KCNB2: variants seen among roughly 807,000 people sequenced by gnomAD.
KCNB2 encodes potassium voltage-gated channel subfamily B member 2.
Under a neutral mutation model 61.5 loss-of-function variants are expected in KCNB2, and 15 were observed. The observed-to-expected ratio is 0.24, with a 90% confidence interval of 0.16 to 0.38. KCNB2 has a LOEUF of 0.38. Among genes scored for constraint, KCNB2 ranks in the 10% least tolerant of loss-of-function variants. The probability of loss-of-function intolerance (pLI) is 1.00; values close to 1 mark genes in which losing one functional copy is unlikely to be tolerated. For synonymous variants in KCNB2, 457 were observed against 446.0 expected, an observed-to-expected ratio of 1.02 and a Z score of -0.31; for missense variants, 828 against 1,125.2, an observed-to-expected ratio of 0.74 and a Z score of 3.78.
chr8:72,629,682 G>A (rs954525251), intron 2 of KCNB2, among the ~76,000 whole-genome samples: 2 of 152,166 alleles, frequency 1.3e-5, no homozygotes, highest in Non-Finnish European at 2.9e-5. Context: ...AGGAAAATTG[G>A]AGTGCTGTCA....
chr8:72,627,579 A>G (rs1390731902), intron 2 of KCNB2, among the ~76,000 whole-genome samples: 2 of 152,222 alleles, frequency 1.3e-5, no homozygotes, highest in Non-Finnish European at 2.9e-5. Context: ...TTTATCCATG[A>G]TAACACTAGG....
Position 72,669,621 on chromosome 8 carries a change from G to A in KCNB2, c.579+101308G>A, listed in dbSNP as rs1402075233. 4.6e-5 allele frequency among the ~76,000 whole-genome samples: 7 copies of A among 152,076 alleles called. No homozygotes were observed. In the East Asian group the frequency reaches 5.8e-4, roughly 13 times the overall value. ...TATTCTTTTATTGTAATGAAATCACGTGACATGTATTTCATTCAGATTTTT... is the reference window on the plus strand; with the variant it reads ...TATTCTTTTATTGTAATGAAATCACATGACATGTATTTCATTCAGATTTTT... On this transcript the variant is annotated intron_variant, in intron 2 of 2. Coordinates refer to ENST00000523207, the MANE Select transcript of KCNB2 (RefSeq NM_004770.3).
intron 2 of KCNB2, among the ~76,000 whole-genome samples, chr8:72,602,062 G>A (rs1269471486): frequency 1.3e-5 from 2 of 152,142 alleles, no homozygotes; most frequent in African/African-American, 4.8e-5. Flanking sequence ...CAATGGGGGA[G>A]GGCAGTGAGG....
intron 1 of KCNB2, among the ~76,000 whole-genome samples, chr8:72,566,316 A>G (rs1157279297): frequency 6.6e-6 from 1 of 152,192 alleles, no homozygotes; most frequent in African/African-American, 2.4e-5. Flanking sequence ...TCAAATTTGT[A>G]TCTTAGCAGA....
chr8:72,789,430 T>C (rs1808898379), intron 2 of KCNB2, among the ~76,000 whole-genome samples: 1 of 152,154 alleles, frequency 6.6e-6, no homozygotes, highest in Admixed American at 6.5e-5. Context: ...AAAGATTATC[T>C]AAATCTTTTT....
chr8:72,602,000 G>T (rs900665028), intron 2 of KCNB2, among the ~76,000 whole-genome samples: 1 of 152,142 alleles, frequency 6.6e-6, no homozygotes, highest in Non-Finnish European at 1.5e-5. Context: ...GTAGTTGAAG[G>T]CTTATGCTTC....
At chr8:72,931,357 G>C (rs1465699644) in intron 2 of KCNB2, among the ~76,000 whole-genome samples, 2 of 152,114 alleles carry the variant, frequency 1.3e-5, no homozygotes, top group Non-Finnish European at 2.9e-5. Context: ...AGCTTGATGG[G>C]GATGGCATTG....
intron 2 of KCNB2, among the ~76,000 whole-genome samples, chr8:72,851,835 A>AAAAAAAAAAAAAAAAAAC: frequency 8.6e-6 from 1 of 116,382 alleles, no homozygotes; most frequent in Admixed American, 8.0e-5. Context: ...GGAAAAAAAA[A>AAAAAAAAAAAAAAAAAAC]AAAAAAAAAA....
chr8:72,700,155 T>C (rs1006414061), intron 2 of KCNB2, among the ~76,000 whole-genome samples: 14 of 151,788 alleles, frequency 9.2e-5, no homozygotes, highest in Middle Eastern at 6.8e-3. Flanking sequence ...TGAGAACACA[T>C]GGGCACAGGG....
chr8:72,648,754 T>G (rs928402998), intron 2 of KCNB2, among the ~76,000 whole-genome samples: 2 of 152,084 alleles, frequency 1.3e-5, no homozygotes, highest in African/African-American at 4.8e-5. Flanking sequence ...CTATATTGAA[T>G]AATGCATATC....
At chr8:72,585,057 G>A (rs1050021204) in intron 2 of KCNB2, among the ~76,000 whole-genome samples, 4 of 152,130 alleles carry the variant, frequency 2.6e-5, no homozygotes, top group African/African-American at 9.7e-5. Flanking sequence ...TCTAAGGTAG[G>A]GTGGTCATGA....
At chr8:72,630,988 C>G (rs929310358) in intron 2 of KCNB2, among the ~76,000 whole-genome samples, 1 of 152,058 alleles carries the variant, frequency 6.6e-6, no homozygotes, top group Admixed American at 6.6e-5. Context: ...TAGTACTGAA[C>G]CCTGTATACA....
intron 2 of KCNB2, among the ~76,000 whole-genome samples, chr8:72,929,414 G>A (rs746618546): frequency 1.3e-5 from 2 of 152,258 alleles, no homozygotes; most frequent in South Asian, 4.1e-4. Context: ...AAGAAATAAC[G>A]TAATCATCCA....
Position 72,935,926 on chromosome 8 carries a change from C to G in KCNB2, c.580-9C>G. On this transcript the variant is annotated splice_polypyrimidine_tract_variant and intron_variant, in intron 2 of 2. Coordinates refer to ENST00000523207, the MANE Select transcript of KCNB2 (RefSeq NM_004770.3). ...AGGATTTGCTGACTTGGACTTTTCT[C>G]TTTTCCAGATCCTGGCCATCGTGTC... 2.5e-6 allele frequency: 4 copies of G among 1,606,660 alleles called. No homozygotes were observed. The East Asian group carries it at 6.7e-5, about 27-fold the overall frequency.
chr8:72,672,692 G>C (rs1254913707), intron 2 of KCNB2, among the ~76,000 whole-genome samples: 1 of 151,342 alleles, frequency 6.6e-6, no homozygotes, highest in Non-Finnish European at 1.5e-5. Flanking sequence ...TCTGTTTATT[G>C]TTAAGGTTTT....
At chr8:72,753,380 C>T (rs1237149235) in intron 2 of KCNB2, among the ~76,000 whole-genome samples, 2 of 152,146 alleles carry the variant, frequency 1.3e-5, no homozygotes, top group African/African-American at 4.8e-5. Context: ...TTTTATTTAG[C>T]AACTCTTATG....
intron 2 of KCNB2, among the ~76,000 whole-genome samples, chr8:72,756,000 A>T (rs1189152491): frequency 6.6e-6 from 1 of 152,118 alleles, no homozygotes; most frequent in African/African-American, 2.4e-5. Flanking sequence ...TGTACATATG[A>T]TGCTGCTTTC....
chr8:72,760,892 G>A (rs1052394131), intron 2 of KCNB2, among the ~76,000 whole-genome samples: 1 of 152,102 alleles, frequency 6.6e-6, no homozygotes, highest in Admixed American at 6.6e-5. Context: ...GTTGGATCAC[G>A]TATCTTAATC....
intron 2 of KCNB2, among the ~76,000 whole-genome samples, chr8:72,605,766 C>T (rs1355267209): frequency 1.3e-5 from 2 of 152,008 alleles, no homozygotes; most frequent in Non-Finnish European, 2.9e-5. Flanking sequence ...AATAAATATT[C>T]TAATGGTGGC....
Sources: gnomAD v4.1 joint callset for allele counts (sites outside exome capture counted in the v4.1 genomes callset) on GRCh38, gnomAD v4.1.1 for gene constraint, MANE v1.5 for transcripts, NCBI Gene and HGNC (gene_info 2026-07-23, HGNC 2026-07-21) for gene names.